Variants in EMCN observed in about 807,000 individuals in gnomAD.
The protein encoded by EMCN is endomucin, also known as MUC-14.
EMCN carries 37 observed loss-of-function variants against 38.4 expected under a neutral mutation model. The ratio of observed to expected loss-of-function variants is 0.96; its 90% CI spans 0.74 to 1.27. The LOEUF (loss-of-function observed/expected upper bound fraction) is 1.27. Ranked by LOEUF, EMCN falls within the 50% of genes most tolerant of loss-of-function variation. EMCN has a pLI of 0.00. For missense variants in EMCN, 318 were observed against 302.8 expected, an observed-to-expected ratio of 1.05 and a Z score of -0.37; for synonymous variants, 95 against 100.8, an observed-to-expected ratio of 0.94 and a Z score of 0.35.
chr4:100,411,943 C>T (rs1726572517), intron 10 of EMCN, among the ~76,000 whole-genome samples: 1 of 151,844 alleles, frequency 6.6e-6, no homozygotes, highest in African/African-American at 2.4e-5. Context: ...TTCATTTTTA[C>T]TCTGTGGTTT....
At chr4:100,434,833 T>C (rs1002635698) in intron 5 of EMCN, among the ~76,000 whole-genome samples, 1 of 152,138 alleles carries the variant, frequency 6.6e-6, no homozygotes, top group Non-Finnish European at 1.5e-5. Context: ...AATCCCTTTA[T>C]GTTAAAAACT....
Position 100,502,353 on chromosome 4 carries a change from G to A in EMCN, c.64+15498C>T, listed in dbSNP as rs112745404. Among the ~76,000 whole-genome samples, 56 of 152,018 alleles carry A rather than the reference G, an allele frequency of 3.7e-4. 2 individuals are homozygous for A. Among genetic ancestry groups the A allele is most frequent in the African/African-American group, 1.3e-3 (53 of 41,460 alleles). On this transcript the variant is annotated intron_variant, in intron 1 of 11. Transcript: ENST00000296420. ...CCCTTTTTTATTGGTACAATTGCAGGCATTTACCTATGCAAGCTTGCATAT... is the reference window on the plus strand; with the variant it reads ...CCCTTTTTTATTGGTACAATTGCAGACATTTACCTATGCAAGCTTGCATAT...
At chr4:100,513,750 G>T (rs564639647) in intron 1 of EMCN, among the ~76,000 whole-genome samples, 38 of 152,220 alleles carry the variant, frequency 2.5e-4, no homozygotes, top group African/African-American at 9.1e-4. Flanking sequence ...ATAAGGACAA[G>T]ATAGTAAACT....
At chr4:100,461,478 A>T (rs1265045514) in intron 4 of EMCN, among the ~76,000 whole-genome samples, 1 of 152,204 alleles carries the variant, frequency 6.6e-6, no homozygotes, top group Non-Finnish European at 1.5e-5. Flanking sequence ...AGGTACATAG[A>T]TAATCCTCTG....
At chr4:100,439,772 AC>A (rs1216086857) in intron 5 of EMCN, among the ~76,000 whole-genome samples, 1 of 151,284 alleles carries the variant, frequency 6.6e-6, no homozygotes, top group Non-Finnish European at 1.5e-5. Flanking sequence ...ATTGCTATAA[AC>A]TTTTCTCTTT....
intron 8 of EMCN, among the ~76,000 whole-genome samples, chr4:100,419,771 T>C (rs1726836510): frequency 6.6e-6 from 1 of 152,076 alleles, no homozygotes; most frequent in Admixed American, 6.6e-5. Context: ...ATTAAGAAGT[T>C]TATTCACTGA....
intron 4 of EMCN, among the ~76,000 whole-genome samples, chr4:100,461,696 T>C (rs889990604): frequency 2.6e-5 from 4 of 152,192 alleles, no homozygotes; most frequent in Non-Finnish European, 5.9e-5. Flanking sequence ...TCTTCTTTTT[T>C]GATCTGAATT....
At chr4:100,438,489 G>GT (rs773371751) in intron 5 of EMCN, among the ~76,000 whole-genome samples, 1 of 152,006 alleles carries the variant, frequency 6.6e-6, no homozygotes, top group South Asian at 2.1e-4. Flanking sequence ...AGTTCTAACA[G>GT]TTTTTTCTGT....
intron 11 of EMCN, among the ~76,000 whole-genome samples, chr4:100,409,403 G>T (rs918355815): frequency 3.3e-5 from 5 of 152,076 alleles, no homozygotes; most frequent in East Asian, 1.9e-4. Context: ...TACCAACTGG[G>T]AGACTTAATT....
At chr4:100,425,415 G>T (rs1416888395) in intron 5 of EMCN, among the ~76,000 whole-genome samples, 3 of 152,040 alleles carry the variant, frequency 2.0e-5, no homozygotes, top group African/African-American at 7.2e-5. Flanking sequence ...AAGTGGCATT[G>T]CCAGAGGAAG....
chr4:100,491,112 T>C (rs1239657539), intron 1 of EMCN, among the ~76,000 whole-genome samples: 1 of 152,204 alleles, frequency 6.6e-6, no homozygotes, highest in Non-Finnish European at 1.5e-5. Context: ...TATAGGTTGA[T>C]TCTTCATTCT....
chr4:100,496,772 G>C lies in EMCN; in HGVS notation c.65-16733C>G, dbSNP rs1177210648. Reference sequence around the variant, plus strand: ...TAAATTAAAAACCAGACGCAGATTAGAGATTTGAGTCAATGTTATTTAATT... The same window carrying C: ...TAAATTAAAAACCAGACGCAGATTACAGATTTGAGTCAATGTTATTTAATT... On this transcript the variant is annotated intron_variant, in intron 1 of 11. Transcript: ENST00000296420. 2.6e-5 allele frequency among the ~76,000 whole-genome samples: 4 copies of C among 152,138 alleles called. No individual in the cohort carries two copies. In the East Asian group the frequency reaches 5.8e-4, roughly 22 times the overall value.
chr4:100,415,925 T>C lies in EMCN; in HGVS notation c.724A>G (p.Thr242Ala), dbSNP rs779710118. ...QSDKESVKLL[T>A]VKTISHESGE... Reference sequence around the variant, plus strand: ...GACTCATGAGAAATTGTCTTAACGGTAAGAAGCTTCACGCTCTCTTTATCA... The same window carrying C: ...GACTCATGAGAAATTGTCTTAACGGCAAGAAGCTTCACGCTCTCTTTATCA... Residue 242 changes from threonine (T) to alanine (A), a missense_variant, in exon 10 of 12, where the codon ACC becomes GCC. Thr to Ala is a moderately conservative substitution (Grantham distance 58, BLOSUM62 0). Coordinates refer to ENST00000296420, the MANE Select transcript of EMCN (RefSeq NM_016242.4). The C allele has an allele frequency of 1.1e-5, 17 of 1,590,658 alleles. No individual in the cohort carries two copies. In the South Asian group the frequency reaches 2.0e-4, roughly 19 times the overall value.
intron 11 of EMCN, among the ~76,000 whole-genome samples, chr4:100,402,480 G>C (rs993953865): frequency 6.6e-6 from 1 of 152,110 alleles, no homozygotes; most frequent in African/African-American, 2.4e-5. Context: ...AACCTAGATA[G>C]TAGTTACTCT....
intron 4 of EMCN, among the ~76,000 whole-genome samples, chr4:100,457,096 T>C (rs1252237125): frequency 6.6e-6 from 1 of 152,134 alleles, no homozygotes; most frequent in Non-Finnish European, 1.5e-5. Flanking sequence ...AATTCTACTT[T>C]TTCTGATATA....
intron 5 of EMCN, among the ~76,000 whole-genome samples, chr4:100,432,352 A>G (rs950504361): frequency 4.6e-5 from 7 of 152,108 alleles, no homozygotes; most frequent in Non-Finnish European, 8.8e-5. Flanking sequence ...CTGATCTTAC[A>G]TAAGATTATC....
intron 3 of EMCN, among the ~76,000 whole-genome samples, chr4:100,467,955 C>T (rs563005051): frequency 3.9e-5 from 6 of 152,100 alleles, no homozygotes; most frequent in Admixed American, 6.5e-5. Flanking sequence ...CATTAGGTTT[C>T]ACAAACATAA....
intron 1 of EMCN, among the ~76,000 whole-genome samples, chr4:100,480,941 T>TA (rs1728788919): frequency 6.6e-6 from 1 of 152,096 alleles, no homozygotes; most frequent in Admixed American, 6.6e-5. Context: ...TTACTTCACA[T>TA]AAAATTATTG....
intron 1 of EMCN, among the ~76,000 whole-genome samples, chr4:100,491,678 T>TG (rs1729084672): frequency 6.6e-6 from 1 of 152,180 alleles, no homozygotes; most frequent in South Asian, 2.1e-4. Context: ...CCCTGTAACC[T>TG]GGCCCAACAT....
Sources: allele counts gnomAD v4.1 joint callset (sites outside exome capture counted in the v4.1 genomes callset), GRCh38; gene constraint gnomAD v4.1.1; transcripts MANE v1.5; gene names NCBI Gene and HGNC (gene_info 2026-07-23, HGNC 2026-07-21).